The following ROR1 variants were observed in gnomAD, a reference collection of about 807,000 sequenced individuals.
ROR1 encodes the protein ROR family WNT receptor 1, also known as inactive tyrosine-protein kinase transmembrane receptor ROR1.
A neutral mutation model predicts 78.8 loss-of-function variants in ROR1; 19 were observed. The observed-to-expected ratio is 0.24, with a 90% CI of 0.17 to 0.35. The LOEUF is 0.35. Among genes scored for constraint, ROR1 ranks in the 10% least tolerant of loss-of-function variants. The pLI, the probability that ROR1 is intolerant of heterozygous loss-of-function variation, is 1.00. For missense variants in ROR1, 917 were observed against 1,177.8 expected (o/e 0.78, Z 3.24); for synonymous variants, 386 against 433.6 (o/e 0.89, Z 1.36).
intron 7 of ROR1, among the ~76,000 whole-genome samples, chr1:64,147,290 T>C (rs1249136005): frequency 1.3e-5 from 2 of 152,226 alleles, no homozygotes; most frequent in Admixed American, 6.5e-5. Flanking sequence ...TGGTTAATAC[T>C]AGTCACATGA....
intron 4 of ROR1, among the ~76,000 whole-genome samples, chr1:64,133,419 G>T (rs187950437): frequency 1.3e-5 from 2 of 152,244 alleles, no homozygotes; most frequent in African/African-American, 4.8e-5. Context: ...TTTTGCTGCC[G>T]CACTGTTCCA....
At chr1:63,933,871 G>A (rs927576021) in intron 1 of ROR1, among the ~76,000 whole-genome samples, 2 of 152,162 alleles carry the variant, frequency 1.3e-5, no homozygotes, top group African/African-American at 4.8e-5. Context: ...AAGACCCAGA[G>A]CAAGTTCCGC....
At chr1:63,884,604 A>T (rs1338109844) in intron 1 of ROR1, among the ~76,000 whole-genome samples, 2 of 152,172 alleles carry the variant, frequency 1.3e-5, no homozygotes, top group East Asian at 3.8e-4. Context: ...AGGTTAAAGC[A>T]TTGCCCTTTT....
chr1:63,794,271 G>T (rs1644745069), intron 1 of ROR1, among the ~76,000 whole-genome samples: 1 of 152,196 alleles, frequency 6.6e-6, no homozygotes, highest in Non-Finnish European at 1.5e-5. Flanking sequence ...ATTACCTTTT[G>T]GTGAGGGCAA....
intron 5 of ROR1, among the ~76,000 whole-genome samples, chr1:64,138,100 A>G (rs766228108): frequency 6.6e-6 from 1 of 152,214 alleles, no homozygotes; most frequent in African/African-American, 2.4e-5. Flanking sequence ...AGCACTTACT[A>G]GCACACATGA....
chr1:63,969,444 G>A (rs1189584461), intron 1 of ROR1, among the ~76,000 whole-genome samples: 2 of 152,046 alleles, frequency 1.3e-5, no homozygotes, highest in African/African-American at 4.8e-5. Context: ...TCTAGGCTGG[G>A]GTGCCCTCCT....
chr1:64,176,215 C>T (rs1650374676), intron 8 of ROR1, among the ~76,000 whole-genome samples: 1 of 152,156 alleles, frequency 6.6e-6, no homozygotes, highest in African/African-American at 2.4e-5. Flanking sequence ...TTGCGAAGAC[C>T]TAGGGATATA....
At chr1:63,951,249 A>C (rs1177486014) in intron 1 of ROR1, among the ~76,000 whole-genome samples, 1 of 152,152 alleles carries the variant, frequency 6.6e-6, no homozygotes, top group African/African-American at 2.4e-5. Flanking sequence ...AGAATGTGGG[A>C]GGTGGCTGTT....
At chr1:64,118,710 G>C (rs1648412791) in intron 4 of ROR1, among the ~76,000 whole-genome samples, 1 of 151,546 alleles carries the variant, frequency 6.6e-6, no homozygotes, top group South Asian at 2.1e-4. Context: ...TCAGATCAAG[G>C]GGAAAATGAG....
chr1:63,943,899 T>A (rs1246683333), intron 1 of ROR1, among the ~76,000 whole-genome samples: 2 of 152,174 alleles, frequency 1.3e-5, no homozygotes, highest in Non-Finnish European at 2.9e-5. Context: ...CAGAGTTTAT[T>A]CTTTCGTCTC....
intron 1 of ROR1, among the ~76,000 whole-genome samples, chr1:63,882,131 C>T (rs559381553): frequency 2.6e-5 from 4 of 152,164 alleles, no homozygotes; most frequent in Admixed American, 6.5e-5. Context: ...AGATCCCCCC[C>T]GGTGAATAAA....
rs149987351 is a variant in ROR1 at position 63,932,666 on chromosome 1, T to C, written c.92-76639T>C. Among the ~76,000 whole-genome samples the C allele has an allele frequency of 1.8e-4, 28 of 152,284 alleles. No individual in the cohort carries two copies. The East Asian group carries it at 5.0e-3, about 27-fold the overall frequency. On this transcript the variant is annotated intron_variant, in intron 1 of 8. Coordinates refer to ENST00000371079, the MANE Select transcript of ROR1 (RefSeq NM_005012.4). Reference sequence around the variant, plus strand: ...CCTCAAGTGATGTTATCATGATCTATCATTATTTTCCCTGCTTTATAGAAG... The same window carrying C: ...CCTCAAGTGATGTTATCATGATCTACCATTATTTTCCCTGCTTTATAGAAG...
intron 1 of ROR1, among the ~76,000 whole-genome samples, chr1:63,918,610 T>C (rs887229959): frequency 6.6e-6 from 1 of 152,234 alleles, no homozygotes; most frequent in Non-Finnish European, 1.5e-5. Context: ...AGGAGCTTGG[T>C]AAAAACTTAC....
chr1:63,888,993 A>C (rs1358649621), intron 1 of ROR1, among the ~76,000 whole-genome samples: 1 of 152,124 alleles, frequency 6.6e-6, no homozygotes, highest in East Asian at 1.9e-4. Flanking sequence ...GGTTCATGAG[A>C]TTGCCGTCAT....
At chr1:64,170,279 C>A (rs1444891489) in intron 8 of ROR1, among the ~76,000 whole-genome samples, 1 of 152,212 alleles carries the variant, frequency 6.6e-6, no homozygotes, top group Non-Finnish European at 1.5e-5. Flanking sequence ...GTGGAGATTC[C>A]CAAACCTCAA....
chr1:63,941,639 C>A (rs1645841479), intron 1 of ROR1, among the ~76,000 whole-genome samples: 1 of 152,178 alleles, frequency 6.6e-6, no homozygotes, highest in Non-Finnish European at 1.5e-5. Flanking sequence ...GTGTGCATGA[C>A]AGGTATTCTA....
intron 8 of ROR1, chr1:64,171,120 TG>T: frequency 5.8e-6 from 1 of 172,348 alleles, no homozygotes; most frequent in Non-Finnish European, 1.2e-5. Context: ...CCCACTCTAC[TG>T]GTACCAATTT....
At chr1:63,994,116 T>G (rs758745638) in intron 1 of ROR1, among the ~76,000 whole-genome samples, 1 of 152,214 alleles carries the variant, frequency 6.6e-6, no homozygotes, top group Non-Finnish European at 1.5e-5. Context: ...GTTATCATGT[T>G]TGATATGTTT....
intron 8 of ROR1, among the ~76,000 whole-genome samples, chr1:64,176,613 T>C (rs774749351): frequency 5.9e-5 from 9 of 152,204 alleles, no homozygotes; most frequent in Non-Finnish European, 1.2e-4. Context: ...GCTTTGTGTA[T>C]GTGGTGGCAT....
Sources: gnomAD v4.1 joint callset for allele counts (sites outside exome capture counted in the v4.1 genomes callset) on GRCh38, gnomAD v4.1.1 for gene constraint, MANE v1.5 for transcripts, NCBI Gene and HGNC (gene_info 2026-07-23, HGNC 2026-07-21) for gene names.